Variants in CDK14 observed in about 807,000 individuals in gnomAD.
CDK14 encodes cyclin dependent kinase 14, also known as cyclin-dependent kinase 14.
CDK14 carries 34 observed loss-of-function variants against 60.7 expected under a neutral mutation model. That is an observed-to-expected ratio of 0.56 (90% CI 0.43 to 0.75). The LOEUF (loss-of-function observed/expected upper bound fraction) is 0.75. CDK14 is among the 30% of genes least tolerant of loss of function. The pLI, the probability that CDK14 is intolerant of heterozygous loss-of-function variation, is 0.00. For missense variants in CDK14, 482 were observed against 564.1 expected, an observed-to-expected ratio of 0.85 and a Z score of 1.47; for synonymous variants, 197 against 203.7, an observed-to-expected ratio of 0.97 and a Z score of 0.28.
intron 14 of CDK14, among the ~76,000 whole-genome samples, chr7:91,187,789 C>T (rs748764932): frequency 7.2e-5 from 11 of 152,256 alleles, no homozygotes; most frequent in African/African-American, 2.6e-4. Flanking sequence ...CAGATTGGTT[C>T]GACCAAGTGT....
chr7:90,767,782 TA>T (rs1264496302), intron 4 of CDK14, among the ~76,000 whole-genome samples: 1 of 152,006 alleles, frequency 6.6e-6, no homozygotes, highest in Non-Finnish European at 1.5e-5. Context: ...CCTGAAAAAA[TA>T]AAATTTTTTC....
chr7:90,980,209 G>C (rs1795194714), intron 9 of CDK14, among the ~76,000 whole-genome samples: 1 of 152,068 alleles, frequency 6.6e-6, no homozygotes, highest in Non-Finnish European at 1.5e-5. Context: ...TTACCTTACT[G>C]GGTAACTAAT....
chr7:90,982,733 C>A (rs1795264082), intron 9 of CDK14, among the ~76,000 whole-genome samples: 1 of 151,884 alleles, frequency 6.6e-6, no homozygotes, highest in South Asian at 2.1e-4. Flanking sequence ...TTTTCTGAGC[C>A]CAGTATAGTT....
At chr7:91,018,922 C>T (rs1051081463) in intron 10 of CDK14, among the ~76,000 whole-genome samples, 2 of 152,138 alleles carry the variant, frequency 1.3e-5, no homozygotes, top group African/African-American at 4.8e-5. Context: ...CTAATACAGA[C>T]ATTAATCCCA....
At chr7:90,691,160 A>G (rs1006206761) in intron 2 of CDK14, among the ~76,000 whole-genome samples, 1 of 152,148 alleles carries the variant, frequency 6.6e-6, no homozygotes, top group African/African-American at 2.4e-5. Context: ...TTTATTGAAC[A>G]TCTAGTGTGT....
At chr7:90,772,886 G>A (rs1413512168) in intron 4 of CDK14, among the ~76,000 whole-genome samples, 1 of 151,868 alleles carries the variant, frequency 6.6e-6, no homozygotes, top group African/African-American at 2.4e-5. Context: ...TTGTTCTTGG[G>A]AAAAATTTAC....
At chr7:90,908,901 C>T (rs1239326173) in intron 7 of CDK14, among the ~76,000 whole-genome samples, 1 of 152,136 alleles carries the variant, frequency 6.6e-6, no homozygotes, top group African/African-American at 2.4e-5. Context: ...GGCTTTTAAA[C>T]TCAAGATCTA....
chr7:90,791,293 A>G (rs1267486558), intron 5 of CDK14, among the ~76,000 whole-genome samples: 1 of 152,180 alleles, frequency 6.6e-6, no homozygotes, highest in African/African-American at 2.4e-5. Flanking sequence ...GTATTCCAAG[A>G]GAATAAAATA....
In CDK14 at chr7:91,062,312, G is replaced by T. The variant is rs111660919; in HGVS notation, c.1105+16352G>T. ...GTGCTGTCTGTCACCCCTTTCCTTG[G>T]CTGGGAAAGGGAATTCCCTGACCCC... is the stretch of plus-strand genomic sequence containing the variant. On this transcript the variant is annotated intron_variant, in intron 11 of 14. Coordinates refer to ENST00000380050, the MANE Select transcript of CDK14 (RefSeq NM_001287135.2). Among the ~76,000 whole-genome samples, 1,236 of 152,228 alleles carry T rather than the reference G, an allele frequency of 8.1e-3. 19 individuals carry two copies. Among genetic ancestry groups the T allele is most frequent in the African/African-American group, 0.027 (1,139 of 41,542 alleles).
At chr7:90,943,456 A>G (rs1224855198) in intron 8 of CDK14, among the ~76,000 whole-genome samples, 2 of 152,140 alleles carry the variant, frequency 1.3e-5, no homozygotes, top group African/African-American at 4.8e-5. Context: ...TTAATTCTTG[A>G]GGTTTTATTT....
At chr7:91,030,136 AT>A (rs1471150677) in intron 10 of CDK14, among the ~76,000 whole-genome samples, 3 of 152,240 alleles carry the variant, frequency 2.0e-5, no homozygotes, top group Non-Finnish European at 4.4e-5. Context: ...TAAAATTTTA[AT>A]TGTATATATC....
chr7:91,164,584 C>T (rs961311145), intron 14 of CDK14, among the ~76,000 whole-genome samples: 1 of 152,170 alleles, frequency 6.6e-6, no homozygotes, highest in African/African-American at 2.4e-5. Context: ...ATTTCCTAGA[C>T]AAATGCAGGA....
intron 2 of CDK14, among the ~76,000 whole-genome samples, chr7:90,607,903 T>C (rs1799452118): frequency 6.6e-6 from 1 of 152,218 alleles, no homozygotes; most frequent in Non-Finnish European, 1.5e-5. Context: ...TAAAATTTTA[T>C]TAGTTTCAGT....
At chr7:90,680,611 G>T (rs892192753) in intron 2 of CDK14, among the ~76,000 whole-genome samples, 1 of 152,130 alleles carries the variant, frequency 6.6e-6, no homozygotes, top group Non-Finnish European at 1.5e-5. Context: ...CCCTCTGCAG[G>T]CTCTTCATAA....
At chr7:90,976,880 G>A (rs546112011) in intron 9 of CDK14, among the ~76,000 whole-genome samples, 61 of 152,082 alleles carry the variant, frequency 4.0e-4, no homozygotes, top group African/African-American at 6.5e-4. Context: ...AATTTAAGTC[G>A]GTTGGGGAGA....
intron 8 of CDK14, among the ~76,000 whole-genome samples, chr7:90,943,555 T>C (rs1419127532): frequency 6.6e-6 from 1 of 152,166 alleles, no homozygotes; most frequent in Non-Finnish European, 1.5e-5. Context: ...TAAGGGCTGG[T>C]AGCTTGTATA....
At chr7:91,089,098 A>G (rs997383855) in intron 12 of CDK14, among the ~76,000 whole-genome samples, 1 of 152,174 alleles carries the variant, frequency 6.6e-6, no homozygotes, top group Admixed American at 6.6e-5. Flanking sequence ...AATCATGTGT[A>G]CTTCTTTAAA....
At chr7:91,084,988 G>C (rs766753220) in intron 12 of CDK14, among the ~76,000 whole-genome samples, 4 of 152,182 alleles carry the variant, frequency 2.6e-5, no homozygotes, top group Non-Finnish European at 5.9e-5. Flanking sequence ...AGGCTTTCTC[G>C]AAGTCTTCTC....
intron 8 of CDK14, 39 bp downstream of exon 8, chr7:90,917,763 T>A: frequency 1.2e-6 from 2 of 1,605,200 alleles, no homozygotes; most frequent in Non-Finnish European, 1.7e-6. Context: ...TTTGTCATAC[T>A]GTGAGAATGC....
Sources: gnomAD v4.1 joint callset for allele counts (sites outside exome capture counted in the v4.1 genomes callset) on GRCh38, gnomAD v4.1.1 for gene constraint, MANE v1.5 for transcripts, NCBI Gene and HGNC (gene_info 2026-07-23, HGNC 2026-07-21) for gene names.